OR10J1: variants seen among roughly 807,000 people sequenced by gnomAD.
OR10J1 encodes olfactory receptor 10J1.
For synonymous variants in OR10J1, 202 were observed against 143.8 expected (o/e 1.40, Z -2.89); for missense variants, 474 against 376.6 (o/e 1.26, Z -2.14).
the OR10J1 span, among the ~76,000 whole-genome samples, chr1:159,423,805 C>T: frequency 6.6e-6 from 1 of 152,198 alleles, no homozygotes; most frequent in Non-Finnish European, 1.5e-5. Context: ...TAGATACTGA[C>T]GTCTGGGTGC....
Position 159,439,966 on chromosome 1 carries a change from A to G in OR10J1, c.175A>G (p.Met59Val), listed in dbSNP as rs1437362251. 2.9e-5 allele frequency: 46 copies of G among 1,614,000 alleles called. No individual in the cohort carries two copies. The highest frequency in any genetic ancestry group is 3.8e-5 in the Non-Finnish European group (45 of 1,180,024). The change falls in exon 1 of 1, where the codon ATG (methionine) becomes GTG (valine). Residue 59 changes from methionine (M) to valine (V), a missense_variant. Met to Val is a conservative substitution (Grantham distance 21, BLOSUM62 1). Transcript: ENST00000423932. ...IRMDLHLHTP[M>V]YFFLSMLSTS... ...AATGGATCTTCATCTTCACACACCC[A>G]TGTACTTCTTCCTGAGCATGCTGTC...
chr1:159,425,489 C>G, the OR10J1 span, among the ~76,000 whole-genome samples: 1 of 151,954 alleles, frequency 6.6e-6, no homozygotes, highest in Non-Finnish European at 1.5e-5. Context: ...CTGTATCTAA[C>G]TGTATCTATA....
the OR10J1 span, among the ~76,000 whole-genome samples, chr1:159,406,672 T>A: frequency 2.0e-5 from 3 of 152,080 alleles, no homozygotes; most frequent in Non-Finnish European, 2.9e-5. Flanking sequence ...AAGAGGTGGG[T>A]CCAGGTCAGA....
the OR10J1 span, among the ~76,000 whole-genome samples, chr1:159,412,324 T>A: frequency 1.4e-5 from 2 of 144,722 alleles, no homozygotes; most frequent in East Asian, 1.9e-4. Context: ...CTTCACAGAA[T>A]TGGAAAAAAC....
At chr1:159,438,322 T>C (rs1170261174), upstream of OR10J1, among the ~76,000 whole-genome samples, 1 of 152,232 alleles carries the variant, frequency 6.6e-6, no homozygotes, top group Non-Finnish European at 1.5e-5. Flanking sequence ...TATTGGTATT[T>C]GGAAGAAGGG....
chr1:159,412,262 C>T, the OR10J1 span, among the ~76,000 whole-genome samples: 3 of 151,684 alleles, frequency 2.0e-5, no homozygotes, highest in Non-Finnish European at 2.9e-5. Flanking sequence ...GCCATACTGC[C>T]CAAGGTAATT....
At chr1:159,426,145 A>G in the OR10J1 span, among the ~76,000 whole-genome samples, 13 of 152,114 alleles carry the variant, frequency 8.5e-5, 1 homozygote, top group Admixed American at 5.9e-4. Flanking sequence ...AGAAACAAGT[A>G]GATATTAGGA....
At chr1:159,426,747 A>T in the OR10J1 span, among the ~76,000 whole-genome samples, 1 of 151,878 alleles carries the variant, frequency 6.6e-6, no homozygotes, top group Non-Finnish European at 1.5e-5. Context: ...ATATTATGTA[A>T]ATATTTTTTT....
At chr1:159,430,437 A>T in the OR10J1 span, among the ~76,000 whole-genome samples, 2 of 152,242 alleles carry the variant, frequency 1.3e-5, no homozygotes, top group Admixed American at 1.3e-4. Context: ...AAGGTCATAT[A>T]TGAGTAAGTG....
the OR10J1 span, among the ~76,000 whole-genome samples, chr1:159,401,377 G>A: frequency 6.6e-6 from 1 of 151,978 alleles, no homozygotes; most frequent in Non-Finnish European, 1.5e-5. Context: ...GAAAAAAATA[G>A]AGAAGCTCTA....
the OR10J1 span, among the ~76,000 whole-genome samples, chr1:159,417,148 A>G: frequency 6.6e-6 from 1 of 152,118 alleles, no homozygotes; most frequent in African/African-American, 2.4e-5. Context: ...TCATTGAAGT[A>G]AATCATTAGA....
At chr1:159,402,139 T>C in the OR10J1 span, among the ~76,000 whole-genome samples, 4 of 152,078 alleles carry the variant, frequency 2.6e-5, no homozygotes, top group African/African-American at 9.6e-5. Context: ...GCTAGTACCA[T>C]ACTGAATGAT....
chr1:159,417,063 T>G, the OR10J1 span, among the ~76,000 whole-genome samples: 1 of 152,154 alleles, frequency 6.6e-6, no homozygotes, highest in Non-Finnish European at 1.5e-5. Flanking sequence ...TAGGTCTCTA[T>G]TTCATTTAGT....
the OR10J1 span, among the ~76,000 whole-genome samples, chr1:159,400,530 T>A: frequency 6.6e-6 from 1 of 150,472 alleles, no homozygotes; most frequent in South Asian, 2.1e-4. Flanking sequence ...GATATAACAA[T>A]TTTCAATATA....
chr1:159,403,473 CA>C, the OR10J1 span, among the ~76,000 whole-genome samples: 5 of 152,094 alleles, frequency 3.3e-5, no homozygotes, highest in Non-Finnish European at 5.9e-5. Context: ...AGACATTTCT[CA>C]AAAGAAGACA....
the OR10J1 span, among the ~76,000 whole-genome samples, chr1:159,425,035 C>T: frequency 7.2e-5 from 11 of 152,002 alleles, no homozygotes; most frequent in Admixed American, 2.0e-4. Flanking sequence ...GACTTTTCAA[C>T]AATTACACTA....
At chr1:159,421,617 G>T in the OR10J1 span, among the ~76,000 whole-genome samples, 1 of 152,162 alleles carries the variant, frequency 6.6e-6, no homozygotes, top group Non-Finnish European at 1.5e-5. Context: ...GATCGTGGGT[G>T]CATACAGTGG....
At chr1:159,422,718 G>T in the OR10J1 span, among the ~76,000 whole-genome samples, 3 of 152,322 alleles carry the variant, frequency 2.0e-5, no homozygotes, top group African/African-American at 7.2e-5. Context: ...CTAGAGCAGT[G>T]CCTTTGTGTA....
chr1:159,404,919 C>A, the OR10J1 span, among the ~76,000 whole-genome samples: 1 of 152,068 alleles, frequency 6.6e-6, no homozygotes, highest in African/African-American at 2.4e-5. Flanking sequence ...AACTATAAAG[C>A]GATGTACAAA....
Sources: gnomAD v4.1 joint callset for allele counts (sites outside exome capture counted in the v4.1 genomes callset) on GRCh38, gnomAD v4.1.1 for gene constraint, MANE v1.5 for transcripts, NCBI Gene and HGNC (gene_info 2026-07-23, HGNC 2026-07-21) for gene names.